Variants in DENND1A observed in about 807,000 individuals in gnomAD.
DENND1A encodes DENN domain-containing protein 1A.
DENND1A carries 51 observed loss-of-function variants against 113.7 expected under a neutral mutation model. That is an observed-to-expected ratio of 0.45 (90% CI 0.36 to 0.57). DENND1A has a LOEUF of 0.57. DENND1A is among the 20% of genes least tolerant of loss of function. DENND1A has a pLI of 0.00. For missense variants in DENND1A, 1,258 were observed against 1,395.9 expected (o/e 0.90, Z 1.57); for synonymous variants, 565 against 570.8 (o/e 0.99, Z 0.14).
chr9:123,599,414 T>C (rs2059846536), intron 11 of DENND1A, among the ~76,000 whole-genome samples: 1 of 152,244 alleles, frequency 6.6e-6, no homozygotes, highest in African/African-American at 2.4e-5. Flanking sequence ...TTTGACCTCT[T>C]TGTACAAAAC....
rs910646747 is a variant in DENND1A, at chr9:123,382,562, G to C, written c.2083C>G (p.Pro695Ala). 3.1e-5 allele frequency: 50 copies of C among 1,613,966 alleles called. No homozygotes were observed. The highest frequency in any genetic ancestry group is 3.9e-5 in the Non-Finnish European group (46 of 1,180,004). Residue 695 changes from proline to alanine, a missense_variant, in exon 24 of 24, where the codon CCG becomes GCG. Transcript: ENST00000394215. Reference protein sequence around the residue: ...GVTVALKLTHPYNKLWSLGQD... With the variant: ...GVTVALKLTHAYNKLWSLGQD... ...CCCAGGCTCCAGAGCTTGTTGTACGGGTGGGTAAGCTTCAAGGCCACTGTC... is the reference window on the plus strand; with the variant it reads ...CCCAGGCTCCAGAGCTTGTTGTACGCGTGGGTAAGCTTCAAGGCCACTGTC...
At chr9:123,401,964 T>C (rs1051551986) in intron 21 of DENND1A, 1 of 1,605,090 alleles carries the variant, frequency 6.2e-7, no homozygotes, top group Middle Eastern at 1.7e-4. Flanking sequence ...AACAGGCCTG[T>C]GACCCTGTAT....
chr9:123,686,536 A>C (rs1242565605), intron 5 of DENND1A, among the ~76,000 whole-genome samples: 1 of 152,216 alleles, frequency 6.6e-6, no homozygotes, highest in Non-Finnish European at 1.5e-5. Context: ...GTGTTTTCTT[A>C]CTTTGCCAGC....
intron 1 of DENND1A, among the ~76,000 whole-genome samples, chr9:123,903,331 C>CA (rs869154918): frequency 0.18 from 4,899 of 26,716 alleles, 950 homozygotes; most frequent in Middle Eastern, 0.26. Flanking sequence ...GACTCCGTCT[C>CA]AAAAAAAAAA....
At chr9:123,451,172 A>T (rs2047694356) in intron 17 of DENND1A, among the ~76,000 whole-genome samples, 1 of 152,178 alleles carries the variant, frequency 6.6e-6, no homozygotes, top group Non-Finnish European at 1.5e-5. Flanking sequence ...GCCGGAACAG[A>T]CACATTGCTG....
chr9:123,467,368 A>C (rs2049042585), intron 13 of DENND1A, among the ~76,000 whole-genome samples: 1 of 152,082 alleles, frequency 6.6e-6, no homozygotes, highest in Admixed American at 6.6e-5. Context: ...ATAAAACACC[A>C]GTTCAGGCCT....
At chr9:123,792,358 C>T (rs146327681) in intron 3 of DENND1A, among the ~76,000 whole-genome samples, 198 of 152,212 alleles carry the variant, frequency 1.3e-3, no homozygotes, top group Non-Finnish European at 2.2e-3. Context: ...GATAGGTTTT[C>T]TTCCTTATTT....
At chr9:123,434,779 G>T (rs1175614692) in intron 19 of DENND1A, among the ~76,000 whole-genome samples, 1 of 152,178 alleles carries the variant, frequency 6.6e-6, no homozygotes, top group Non-Finnish European at 1.5e-5. Context: ...TTTAGGAGAG[G>T]CTGGGAGCGG....
chr9:123,446,797 T>G (rs773165899), intron 18 of DENND1A, among the ~76,000 whole-genome samples: 8 of 152,094 alleles, frequency 5.3e-5, no homozygotes, highest in Non-Finnish European at 5.9e-5. Context: ...AGTGAGACCC[T>G]GTTTCAAAAC....
intron 13 of DENND1A, among the ~76,000 whole-genome samples, chr9:123,499,469 T>C (rs183687709): frequency 9.2e-5 from 14 of 152,364 alleles, no homozygotes; most frequent in Admixed American, 2.0e-4. Flanking sequence ...TTGCTTACTT[T>C]TCCCCCAGCC....
intron 2 of DENND1A, among the ~76,000 whole-genome samples, chr9:123,836,370 A>G (rs1352149354): frequency 2.6e-5 from 4 of 152,188 alleles, no homozygotes. Flanking sequence ...AGTGCAGCCA[A>G]GCTCACACAA....
intron 13 of DENND1A, among the ~76,000 whole-genome samples, chr9:123,556,466 C>T (rs140359647): frequency 2.3e-4 from 35 of 152,350 alleles, no homozygotes; most frequent in African/African-American, 6.0e-4. Flanking sequence ...TACAAGGAAG[C>T]GTGACCCCTG....
At chr9:123,848,247 A>AC (rs1564383651) in intron 2 of DENND1A, among the ~76,000 whole-genome samples, 1 of 150,708 alleles carries the variant, frequency 6.6e-6, no homozygotes, top group African/African-American at 2.4e-5. Flanking sequence ...AAAAAAAAAA[A>AC]AAAAAAAAAA....
intron 2 of DENND1A, among the ~76,000 whole-genome samples, chr9:123,878,196 T>C (rs1430298198): frequency 2.2e-5 from 3 of 133,520 alleles, no homozygotes; most frequent in African/African-American, 3.5e-5. Flanking sequence ...AGAGCAAAAC[T>C]CCATCTCAAA....
intron 19 of DENND1A, among the ~76,000 whole-genome samples, chr9:123,423,067 C>T (rs1399224559): frequency 6.6e-6 from 1 of 152,202 alleles, no homozygotes; most frequent in Non-Finnish European, 1.5e-5. Context: ...CCATTACAAC[C>T]AAGGGGAGGG....
In DENND1A at chr9:123,557,708, A is replaced by T; in HGVS notation, c.868-13T>A. 6.2e-7 allele frequency: 1 copy of T among 1,613,186 alleles called. No homozygotes were observed. Among genetic ancestry groups the T allele is most frequent in the Non-Finnish European group, 8.5e-7 (1 of 1,179,506 alleles). ...TCAGGGAAGAGATCTGGTGATGGAG[A>T]GAAGGAAAACACAGGTTGAGGACAG... is the stretch of plus-strand genomic sequence containing the variant. On this transcript the variant is annotated splice_polypyrimidine_tract_variant and intron_variant, in intron 12 of 23. Coordinates refer to ENST00000394215, the MANE Select transcript of DENND1A (RefSeq NM_001352964.2).
chr9:123,723,109 G>A (rs1350244202), intron 5 of DENND1A, among the ~76,000 whole-genome samples: 1 of 152,234 alleles, frequency 6.6e-6, no homozygotes, highest in African/African-American at 2.4e-5. Flanking sequence ...TGACCTGGAT[G>A]TGAGACACGG....
intron 5 of DENND1A, chr9:123,751,272 C>T (rs1315568752): frequency 6.6e-6 from 1 of 152,166 alleles, no homozygotes; most frequent in Non-Finnish European, 1.5e-5. Flanking sequence ...AATGGTCATT[C>T]CAGTCTTGAG....
chr9:123,818,157 T>G (rs955031719), intron 2 of DENND1A, among the ~76,000 whole-genome samples: 36 of 152,134 alleles, frequency 2.4e-4, no homozygotes, highest in Admixed American at 1.8e-3. Context: ...CTGGAGTGCA[T>G]GCAGTGGCGC....
Sources: gnomAD v4.1 joint callset for allele counts (sites outside exome capture counted in the v4.1 genomes callset) on GRCh38, gnomAD v4.1.1 for gene constraint, MANE v1.5 for transcripts, NCBI Gene and HGNC (gene_info 2026-07-23, HGNC 2026-07-21) for gene names.